Variants in RAVER2 observed in about 807,000 individuals in gnomAD.
The protein encoded by RAVER2 is ribonucleoprotein PTB-binding 2.
RAVER2 carries 46 observed loss-of-function variants against 78.1 expected under a neutral mutation model. That is an observed-to-expected ratio of 0.59 (90% confidence interval 0.46 to 0.75). RAVER2 has a LOEUF of 0.75. RAVER2 is among the 30% of genes least tolerant of loss of function. The pLI is 0.00. For missense variants in RAVER2, 793 were observed against 837.5 expected (o/e 0.95, Z 0.66); for synonymous variants, 311 against 313.3 (o/e 0.99, Z 0.08).
exon 3 of RAVER2, chr1:64,778,049 T>A (rs1652520838): frequency 6.2e-7 from 1 of 1,613,600 alleles, no homozygotes; most frequent in South Asian, 1.1e-5. Context: ...TCAGAAGAGC[T>A]GTTGCAAATT....
chr1:64,823,996 A>G (rs1372879809), intron 11 of RAVER2, among the ~76,000 whole-genome samples: 1 of 152,066 alleles, frequency 6.6e-6, no homozygotes, highest in Non-Finnish European at 1.5e-5. Context: ...TAGTAGAGAC[A>G]GGGTTTCACC....
intron 4 of RAVER2, among the ~76,000 whole-genome samples, chr1:64,786,790 C>T (rs1167748499): frequency 6.6e-6 from 1 of 150,888 alleles, no homozygotes; most frequent in Non-Finnish European, 1.5e-5. Flanking sequence ...GAGACTCTGT[C>T]TCAAGAAAAA....
exon 12 of RAVER2, chr1:64,832,367 T>TTATC (rs955276676): frequency 6.6e-6 from 1 of 152,620 alleles, no homozygotes; most frequent in African/African-American, 2.4e-5. Flanking sequence ...GAAAGAAGTT[T>TTATC]TATCTTTATG....
At chr1:64,802,450 G>A (rs897083986) in intron 5 of RAVER2, among the ~76,000 whole-genome samples, 7 of 152,088 alleles carry the variant, frequency 4.6e-5, no homozygotes, top group South Asian at 2.1e-4. Context: ...TCTTAGACGC[G>A]ATTATGAGTA....
intron 4 of RAVER2, among the ~76,000 whole-genome samples, chr1:64,788,610 G>C (rs1390404689): frequency 6.6e-6 from 1 of 151,792 alleles, no homozygotes; most frequent in Non-Finnish European, 1.5e-5. Flanking sequence ...GGCTAACATG[G>C]TGAAACCCCG....
chr1:64,789,674 T>C (rs1305664349), intron 5 of RAVER2, among the ~76,000 whole-genome samples, 160 bp downstream of exon 5: 1 of 152,226 alleles, frequency 6.6e-6, no homozygotes, highest in African/African-American at 2.4e-5. Context: ...ATTTTAACAA[T>C]AATCTGAGGT....
intron 11 of RAVER2, among the ~76,000 whole-genome samples, chr1:64,817,876 A>T (rs1334223648): frequency 6.6e-6 from 1 of 152,144 alleles, no homozygotes; most frequent in African/African-American, 2.4e-5. Context: ...CGTTGTGCAC[A>T]TGTACCCTAG....
chr1:64,783,967 A>G (rs1385696997), intron 4 of RAVER2, among the ~76,000 whole-genome samples: 1 of 152,238 alleles, frequency 6.6e-6, no homozygotes, highest in African/African-American at 2.4e-5. Flanking sequence ...AGTCTAATGC[A>G]ATGTAGTTTC....
chr1:64,785,199 G>A (rs1652744335), intron 4 of RAVER2, among the ~76,000 whole-genome samples: 1 of 151,936 alleles, frequency 6.6e-6, no homozygotes, highest in Non-Finnish European at 1.5e-5. Context: ...CATATCCTTT[G>A]GTAATATCAA....
At chr1:64,777,818 G>A (rs773127778) in exon 3 of RAVER2, 2 of 1,614,064 alleles carry the variant, frequency 1.2e-6, no homozygotes, top group Non-Finnish European at 8.5e-7. Flanking sequence ...ATTGAGAGAT[G>A]TTTTCTGGTC....
At chr1:64,785,933 C>A (rs1652768114) in intron 4 of RAVER2, among the ~76,000 whole-genome samples, 2 of 152,014 alleles carry the variant, frequency 1.3e-5, no homozygotes, top group Non-Finnish European at 2.9e-5. Flanking sequence ...TGCTGGATTA[C>A]TTCCTTCTAG....
intron 11 of RAVER2, chr1:64,815,609 C>T (rs1019996078): frequency 3.3e-5 from 5 of 152,198 alleles, no homozygotes; most frequent in Admixed American, 3.3e-4. Flanking sequence ...CCAGCTTCTT[C>T]TCAGATCTAT....
chr1:64,828,781 A>G (rs1654057398), intron 11 of RAVER2, among the ~76,000 whole-genome samples: 1 of 151,956 alleles, frequency 6.6e-6, no homozygotes, highest in African/African-American at 2.4e-5. Flanking sequence ...CTAGATTTTC[A>G]TTTTACAAAA....
At chr1:64,746,037 A>G (rs966779064) in intron 1 of RAVER2, among the ~76,000 whole-genome samples, 3 of 152,234 alleles carry the variant, frequency 2.0e-5, no homozygotes, top group East Asian at 1.9e-4. Flanking sequence ...CGCCAAGTAC[A>G]GTACTGGAGG....
chr1:64,818,538 A>G (rs2100894780), intron 11 of RAVER2, among the ~76,000 whole-genome samples: 1 of 152,300 alleles, frequency 6.6e-6, no homozygotes, highest in Middle Eastern at 3.4e-3. Flanking sequence ...TCCGTCTCAA[A>G]AGAACAACAA....
At chr1:64,808,762 G>A (rs550557361) in intron 9 of RAVER2, among the ~76,000 whole-genome samples, 2 of 152,160 alleles carry the variant, frequency 1.3e-5, no homozygotes, top group South Asian at 2.1e-4. Flanking sequence ...GCACCTGGCC[G>A]TCAATTCTTT....
intron 1 of RAVER2, among the ~76,000 whole-genome samples, chr1:64,746,324 A>T (rs1425213889): frequency 1.3e-5 from 2 of 152,166 alleles, no homozygotes; most frequent in African/African-American, 4.8e-5. Flanking sequence ...TTTTTGTTTT[A>T]TCAAAAGCTT....
At chr1:64,811,273 T>G (rs1000713377) in intron 9 of RAVER2, among the ~76,000 whole-genome samples, 2 of 152,226 alleles carry the variant, frequency 1.3e-5, no homozygotes, top group East Asian at 3.9e-4. Flanking sequence ...AGGATCCACT[T>G]AAAATGCTGT....
chr1:64,785,561 G>T, intron 4 of RAVER2, among the ~76,000 whole-genome samples: 1 of 151,880 alleles, frequency 6.6e-6, no homozygotes, highest in Non-Finnish European at 1.5e-5. Flanking sequence ...TAGAGACGGG[G>T]TTTCACCATG....
Sources: gnomAD v4.1 joint callset for allele counts (sites outside exome capture counted in the v4.1 genomes callset) on GRCh38, gnomAD v4.1.1 for gene constraint, MANE v1.5 for transcripts, NCBI Gene and HGNC (gene_info 2026-07-23, HGNC 2026-07-21) for gene names.